Variants in CNTNAP2 observed in about 807,000 individuals in gnomAD.
CNTNAP2 encodes contactin associated protein 2.
Under a neutral mutation model 155.2 loss-of-function variants are expected in CNTNAP2, and 98 were observed. The ratio of observed to expected loss-of-function variants is 0.63; its 90% CI spans 0.54 to 0.75. The LOEUF (loss-of-function observed/expected upper bound fraction) is 0.75. Among genes scored for constraint, CNTNAP2 ranks in the 30% least tolerant of loss-of-function variants. The pLI is 0.00. For missense variants in CNTNAP2, 1,727 were observed against 1,688.1 expected (o/e 1.02, Z -0.40); for synonymous variants, 651 against 631.2 (o/e 1.03, Z -0.47).
intron 18 of CNTNAP2, among the ~76,000 whole-genome samples, chr7:148,204,248 G>A (rs1267223605): frequency 6.6e-6 from 1 of 152,182 alleles, no homozygotes; most frequent in African/African-American, 2.4e-5. Context: ...AGGACGGTTT[G>A]TGTTGATTGA....
chr7:146,679,544 A>G (rs937123934), intron 1 of CNTNAP2, among the ~76,000 whole-genome samples: 3 of 151,662 alleles, frequency 2.0e-5, no homozygotes, highest in Non-Finnish European at 4.4e-5. Flanking sequence ...TTTAGTAGAG[A>G]TGGGGTTTCA....
intron 4 of CNTNAP2, among the ~76,000 whole-genome samples, chr7:147,055,091 A>G (rs143899339): frequency 3.9e-3 from 599 of 152,318 alleles, no homozygotes; most frequent in African/African-American, 0.014. Flanking sequence ...CGTACCAATC[A>G]TTTTGTAAAC....
chr7:147,301,764 T>A (rs1165720711), intron 9 of CNTNAP2, among the ~76,000 whole-genome samples: 2 of 152,106 alleles, frequency 1.3e-5, no homozygotes, highest in Non-Finnish European at 2.9e-5. Context: ...TAAATATTTA[T>A]GAAAGACTTA....
intron 3 of CNTNAP2, among the ~76,000 whole-genome samples, chr7:147,002,249 A>G (rs751286768): frequency 6.6e-6 from 1 of 152,204 alleles, no homozygotes; most frequent in South Asian, 2.1e-4. Flanking sequence ...TCACATAGAG[A>G]CATGTAATTA....
At chr7:146,754,618 G>C (rs1306591604) in intron 1 of CNTNAP2, among the ~76,000 whole-genome samples, 1 of 150,938 alleles carries the variant, frequency 6.6e-6, no homozygotes, top group African/African-American at 2.4e-5. Flanking sequence ...TACTGACCTT[G>C]ACTGTGACCT....
rs115364463 is a variant in CNTNAP2 at position 148,304,132 on chromosome 7, A to G, written c.3475+37006A>G. ...CCTGCCTTGGTTTTTAACCAAAACT[A>G]AAAATAAAAAAGCCAAAAGAGAGGA... On this transcript the variant is annotated intron_variant, in intron 21 of 23. Transcript: ENST00000361727. Among the ~76,000 whole-genome samples, 1,421 of 152,294 alleles carry G rather than the reference A, an allele frequency of 9.3e-3. 19 individuals are homozygous for G. Among genetic ancestry groups the G allele is most frequent in the African/African-American group, 0.032 (1,335 of 41,562 alleles).
chr7:146,708,985 T>C (rs1441562421), intron 1 of CNTNAP2, among the ~76,000 whole-genome samples: 1 of 152,146 alleles, frequency 6.6e-6, no homozygotes, highest in Non-Finnish European at 1.5e-5. Context: ...AAGATCACTA[T>C]GGGAATTAAA....
At chr7:146,296,745 A>G (rs888098977) in intron 1 of CNTNAP2, among the ~76,000 whole-genome samples, 112 of 152,156 alleles carry the variant, frequency 7.4e-4, no homozygotes, top group Non-Finnish European at 1.3e-3. Flanking sequence ...CACAGTTACA[A>G]ATAATGGTCT....
intron 13 of CNTNAP2, among the ~76,000 whole-genome samples, chr7:147,663,210 C>T (rs1292840475): frequency 6.6e-6 from 1 of 152,194 alleles, no homozygotes; most frequent in Non-Finnish European, 1.5e-5. Context: ...TTTGGCCAGG[C>T]TGGTCTCCAA....
chr7:146,959,242 A>T (rs1797504113), intron 3 of CNTNAP2, among the ~76,000 whole-genome samples: 1 of 151,180 alleles, frequency 6.6e-6, no homozygotes, highest in South Asian at 2.1e-4. Flanking sequence ...CTGGTTTCAA[A>T]CTCCCGACAT....
At chr7:147,688,863 T>A (rs1321233973) in intron 13 of CNTNAP2, among the ~76,000 whole-genome samples, 1 of 152,168 alleles carries the variant, frequency 6.6e-6, no homozygotes, top group Non-Finnish European at 1.5e-5. Flanking sequence ...CACTCGTGAA[T>A]TCCCTACTGT....
intron 8 of CNTNAP2, among the ~76,000 whole-genome samples, chr7:147,218,365 T>C (rs1043886964): frequency 2.6e-5 from 4 of 151,990 alleles, no homozygotes; most frequent in South Asian, 4.1e-4. Flanking sequence ...AAAATATGAA[T>C]ATTTCTCTTG....
chr7:147,740,128 G>A (rs1163665414), intron 13 of CNTNAP2, among the ~76,000 whole-genome samples: 2 of 152,120 alleles, frequency 1.3e-5, no homozygotes, highest in Non-Finnish European at 2.9e-5. Flanking sequence ...TCCACTTGTG[G>A]GTCAGAGAAA....
chr7:147,305,803 G>A (rs1795015760), intron 9 of CNTNAP2, among the ~76,000 whole-genome samples: 1 of 152,110 alleles, frequency 6.6e-6, no homozygotes, highest in South Asian at 2.1e-4. Flanking sequence ...CAATGTTCTG[G>A]AGGCTGGAAG....
chr7:146,863,719 A>G (rs1795148204), intron 3 of CNTNAP2, among the ~76,000 whole-genome samples: 1 of 152,172 alleles, frequency 6.6e-6, no homozygotes, highest in Non-Finnish European at 1.5e-5. Flanking sequence ...TTCTGAGCTC[A>G]TACTAGTTCC....
intron 1 of CNTNAP2, among the ~76,000 whole-genome samples, chr7:146,614,417 A>C (rs537345123): frequency 2.0e-5 from 3 of 152,326 alleles, no homozygotes; most frequent in African/African-American, 7.2e-5. Flanking sequence ...AAATTTTTCA[A>C]CCTGGCATAT....
At chr7:146,721,839 T>C (rs545325284) in intron 1 of CNTNAP2, among the ~76,000 whole-genome samples, 12 of 103,858 alleles carry the variant, frequency 1.2e-4, no homozygotes, top group African/African-American at 6.4e-4. Context: ...ATATAGTCTA[T>C]ATATATATTC....
intron 8 of CNTNAP2, among the ~76,000 whole-genome samples, chr7:147,188,216 T>A (rs1802607160): frequency 6.6e-6 from 1 of 151,970 alleles, no homozygotes; most frequent in Non-Finnish European, 1.5e-5. Context: ...GAAACAAGAG[T>A]TTAACATAAA....
At chr7:148,319,013 A>G (rs923919470) in intron 21 of CNTNAP2, among the ~76,000 whole-genome samples, 3 of 152,248 alleles carry the variant, frequency 2.0e-5, no homozygotes, top group African/African-American at 7.2e-5. Flanking sequence ...CAACTTCCCC[A>G]TGAAGCACTG....
Sources: allele counts gnomAD v4.1 joint callset (sites outside exome capture counted in the v4.1 genomes callset), GRCh38; gene constraint gnomAD v4.1.1; transcripts MANE v1.5; gene names NCBI Gene and HGNC (gene_info 2026-07-23, HGNC 2026-07-21).